Variants in AGAP1 observed in about 807,000 individuals in gnomAD.
The protein encoded by AGAP1 is arf-GAP with GTPase, ANK repeat and PH domain-containing protein 1.
A neutral mutation model predicts 105.3 loss-of-function variants in AGAP1; 29 were observed. The ratio of observed to expected loss-of-function variants is 0.28; its 90% CI spans 0.21 to 0.38. The LOEUF (loss-of-function observed/expected upper bound fraction) is 0.38. AGAP1 is among the 10% of genes least tolerant of loss of function. AGAP1 has a pLI of 1.00. For synonymous variants in AGAP1, 509 were observed against 485.9 expected, an observed-to-expected ratio of 1.05 and a Z score of -0.63; for missense variants, 998 against 1,165.1, an observed-to-expected ratio of 0.86 and a Z score of 2.09.
intron 1 of AGAP1, among the ~76,000 whole-genome samples, chr2:235,575,826 A>G (rs538979562): frequency 6.6e-6 from 1 of 152,316 alleles, no homozygotes; most frequent in South Asian, 2.1e-4. Flanking sequence ...TTTCCGTAAA[A>G]TAACCACCTC....
chr2:235,903,130 A>G (rs964988723), intron 10 of AGAP1, among the ~76,000 whole-genome samples: 4 of 152,128 alleles, frequency 2.6e-5, no homozygotes, highest in Non-Finnish European at 5.9e-5. Flanking sequence ...TCTTTTCAGT[A>G]TTATATATTA....
intron 16 of AGAP1, among the ~76,000 whole-genome samples, chr2:236,063,317 T>G (rs2058258039): frequency 6.6e-6 from 1 of 152,144 alleles, no homozygotes; most frequent in African/African-American, 2.4e-5. Flanking sequence ...CTTGAACTTC[T>G]GACCCCCAAG....
intron 2 of AGAP1, 128 bp downstream of exon 2, chr2:235,709,365 C>G: frequency 9.3e-7 from 1 of 1,075,086 alleles, no homozygotes; most frequent in Non-Finnish European, 1.4e-6. Flanking sequence ...GGGTGTGTTC[C>G]TGGGAAGGGC....
chr2:235,756,700 C>T (rs893884284), intron 6 of AGAP1, among the ~76,000 whole-genome samples: 1 of 152,162 alleles, frequency 6.6e-6, no homozygotes, highest in Non-Finnish European at 1.5e-5. Context: ...CATTACTCCC[C>T]GAGCTCCGCC....
At chr2:236,066,602 C>A (rs2058352642) in intron 16 of AGAP1, among the ~76,000 whole-genome samples, 1 of 152,220 alleles carries the variant, frequency 6.6e-6, no homozygotes, top group African/African-American at 2.4e-5. Context: ...TGAGATAAAT[C>A]ATGAACTCTT....
chr2:235,671,121 A>C, intron 1 of AGAP1: 2 of 1,238,914 alleles, frequency 1.6e-6, no homozygotes, highest in South Asian at 7.1e-5. Flanking sequence ...CCGGTTCCGC[A>C]GCGGCTATGG....
intron 1 of AGAP1, among the ~76,000 whole-genome samples, chr2:235,648,371 A>G (rs545917173): frequency 6.6e-6 from 1 of 152,158 alleles, no homozygotes; most frequent in Non-Finnish European, 1.5e-5. Context: ...TTCTCCCTTC[A>G]TCAGTGGAGA....
At chr2:235,695,695 G>A (rs1440306105) in intron 1 of AGAP1, among the ~76,000 whole-genome samples, 2 of 152,188 alleles carry the variant, frequency 1.3e-5, no homozygotes, top group African/African-American at 4.8e-5. Context: ...GCAGAGGGCC[G>A]GGCGCAGTGG....
At chr2:236,023,674 G>A (rs963089381) in intron 13 of AGAP1, among the ~76,000 whole-genome samples, 3 of 152,114 alleles carry the variant, frequency 2.0e-5, no homozygotes, top group Non-Finnish European at 2.9e-5. Context: ...TCTGGGCTTG[G>A]TAGATCCTGC....
At chr2:235,588,826 C>CTCCTTT (rs1945220387) in intron 1 of AGAP1, among the ~76,000 whole-genome samples, 1 of 152,158 alleles carries the variant, frequency 6.6e-6, no homozygotes, top group South Asian at 2.1e-4. Context: ...CTCCTTTACC[C>CTCCTTT]AGCACGTTGG....
At chr2:236,074,410 C>G (rs532228274) in intron 16 of AGAP1, among the ~76,000 whole-genome samples, 2 of 152,312 alleles carry the variant, frequency 1.3e-5, no homozygotes, top group East Asian at 3.9e-4. Flanking sequence ...TCTGTGCACA[C>G]TCTGCACTCT....
At chr2:235,541,410 C>T (rs1479100052) in intron 1 of AGAP1, among the ~76,000 whole-genome samples, 2 of 97,916 alleles carry the variant, frequency 2.0e-5, no homozygotes, top group East Asian at 3.4e-4. Flanking sequence ...TTTTTTGAGA[C>T]GAAGTCTCAC....
chr2:236,066,908 C>T (rs778399333), intron 16 of AGAP1, among the ~76,000 whole-genome samples: 9 of 152,100 alleles, frequency 5.9e-5, no homozygotes, highest in Admixed American at 2.6e-4. Flanking sequence ...ATGGTATATA[C>T]GTTTTTGTGC....
rs1559304142 is a variant in AGAP1, at chr2:236,127,903, G to A, written c.*3781G>A. 1.3e-5 allele frequency: 2 copies of A among 152,248 alleles called. No individual in the cohort carries two copies. The highest frequency in any genetic ancestry group is 6.5e-5 in the Admixed American group (1 of 15,290). The allele number at this position is 152,248 out of a possible 1,614,324, so 9.4% of individuals were successfully genotyped here. ...GTGCAGTGAGGTTTCAAACCAGTGTGATAAGTGTTGGCCTCACACCTGGCC... is the reference window on the plus strand; with the variant it reads ...GTGCAGTGAGGTTTCAAACCAGTGTAATAAGTGTTGGCCTCACACCTGGCC... On this transcript the variant is annotated 3_prime_UTR_variant, in exon 18 of 18. Coordinates refer to ENST00000304032, the MANE Select transcript of AGAP1 (RefSeq NM_001037131.3). The surrounding 1 kb of genome is among the most constrained non-coding windows in gnomAD (Gnocchi z 6.6).
chr2:235,813,466 C>T (rs905282878), intron 9 of AGAP1, among the ~76,000 whole-genome samples: 27 of 152,226 alleles, frequency 1.8e-4, no homozygotes, highest in African/African-American at 5.8e-4. Flanking sequence ...TATCCATTGT[C>T]CAGAGCTGGT....
chr2:235,964,090 C>G lies in AGAP1; in HGVS notation c.1484-4372C>G, dbSNP rs1234384102. Reference sequence around the variant, plus strand: ...GGCATGCTAGTTAGATTGAGATAAGCGACTGGCAGCCTCGTGCAGAAGGTC... The same window carrying G: ...GGCATGCTAGTTAGATTGAGATAAGGGACTGGCAGCCTCGTGCAGAAGGTC... On this transcript the variant is annotated intron_variant, in intron 12 of 17. Transcript: ENST00000304032. The surrounding 1 kb of genome is among the most constrained non-coding windows in gnomAD (Gnocchi z 4.6). 6.6e-6 allele frequency among the ~76,000 whole-genome samples: 1 copy of G among 152,038 alleles called. No individual in the cohort carries two copies. The highest frequency in any genetic ancestry group is 2.1e-4 in the South Asian group (1 of 4,802).
In AGAP1 at chr2:235,557,665, C is replaced by T. The variant is rs532196475; in HGVS notation, c.163+62816C>T. ...TTTCCCTGCTGTCTGGATAAGGAAA[C>T]TGAGGCACAGAGGGTCGAGGAACTT... On this transcript the variant is annotated intron_variant, in intron 1 of 17. Coordinates refer to ENST00000304032, the MANE Select transcript of AGAP1 (RefSeq NM_001037131.3). The surrounding 1 kb of genome is among the most constrained non-coding windows in gnomAD (Gnocchi z 4.7). Among the ~76,000 whole-genome samples the T allele has an allele frequency of 1.3e-5, 2 of 152,244 alleles. No individual in the cohort carries two copies. Among genetic ancestry groups the T allele is most frequent in the South Asian group, 4.1e-4 (2 of 4,824 alleles).
chr2:235,722,406 C>T (rs528295775), intron 3 of AGAP1, among the ~76,000 whole-genome samples: 5 of 152,090 alleles, frequency 3.3e-5, no homozygotes, highest in South Asian at 2.1e-4. Flanking sequence ...GGCTGGTATA[C>T]GTAGATGGCT....
At position 236,005,938 on chromosome 2, in the gene AGAP1, T is replaced by C. The variant is rs2056307339; in HGVS notation, c.1646-30623T>C. On this transcript the variant is annotated intron_variant, in intron 13 of 17. Transcript: ENST00000304032. The surrounding 1 kb of genome is among the most constrained non-coding windows in gnomAD (Gnocchi z 4.1). ...TGCCCCTCCACAGCCCATACTGAAC[T>C]TTTGGAAGGAAGTCACTGTGCACTT... Among the ~76,000 whole-genome samples the C allele has an allele frequency of 6.6e-6, 1 of 152,186 alleles. No individual in the cohort carries two copies. Among genetic ancestry groups the C allele is most frequent in the Non-Finnish European group, 1.5e-5 (1 of 68,026 alleles).
Sources: allele counts gnomAD v4.1 joint callset (sites outside exome capture counted in the v4.1 genomes callset), GRCh38; gene constraint gnomAD v4.1.1; non-coding constraint Gnocchi (gnomAD v3.1); transcripts MANE v1.5; gene names NCBI Gene and HGNC (gene_info 2026-07-23, HGNC 2026-07-21).